The following GPC6 variants were observed in gnomAD, a reference collection of about 807,000 sequenced individuals.
GPC6 encodes the protein glypican-6.
GPC6 carries 14 observed loss-of-function variants against 55.2 expected under a neutral mutation model. The observed-to-expected ratio is 0.25, with a 90% confidence interval of 0.17 to 0.40. GPC6 has a LOEUF of 0.40. GPC6 is among the 10% of genes least tolerant of loss of function. The pLI is 1.00. For synonymous variants in GPC6, 278 were observed against 259.6 expected, an observed-to-expected ratio of 1.07 and a Z score of -0.68; for missense variants, 641 against 708.5, an observed-to-expected ratio of 0.90 and a Z score of 1.08.
chr13:93,287,517 C>T (rs866920066), intron 1 of GPC6, among the ~76,000 whole-genome samples: 3 of 152,192 alleles, frequency 2.0e-5, no homozygotes, highest in Non-Finnish European at 2.9e-5. Flanking sequence ...TGTTACTGGG[C>T]ATGCCTTTGT....
intron 2 of GPC6, among the ~76,000 whole-genome samples, chr13:93,716,302 C>T (rs1883253856): frequency 1.3e-5 from 2 of 151,510 alleles, no homozygotes; most frequent in African/African-American, 4.8e-5. Flanking sequence ...TTAGGCAGGT[C>T]CTTCAGGAGG....
chr13:93,627,901 A>G (rs1879271815), intron 2 of GPC6, among the ~76,000 whole-genome samples: 1 of 152,192 alleles, frequency 6.6e-6, no homozygotes, highest in African/African-American at 2.4e-5. Flanking sequence ...ATCTCTCAAC[A>G]CATAAATTTC....
chr13:94,020,531 A>G (rs1157914843), intron 3 of GPC6, among the ~76,000 whole-genome samples: 1 of 152,076 alleles, frequency 6.6e-6, no homozygotes, highest in Non-Finnish European at 1.5e-5. Flanking sequence ...TCTTTTCTTC[A>G]GTGGCGGGAC....
chr13:93,891,668 T>C (rs1388344489), intron 3 of GPC6, among the ~76,000 whole-genome samples: 1 of 152,072 alleles, frequency 6.6e-6, no homozygotes, highest in Non-Finnish European at 1.5e-5. Context: ...ACACACACAT[T>C]CTATACACAC....
intron 4 of GPC6, among the ~76,000 whole-genome samples, chr13:94,145,812 G>T (rs1330959509): frequency 1.3e-5 from 2 of 152,094 alleles, no homozygotes; most frequent in African/African-American, 4.8e-5. Context: ...ATGTGTTATG[G>T]TGAATGTATA....
intron 4 of GPC6, among the ~76,000 whole-genome samples, chr13:94,248,623 C>T (rs1241672431): frequency 1.3e-5 from 2 of 151,954 alleles, no homozygotes; most frequent in Non-Finnish European, 2.9e-5. Flanking sequence ...ACCCTCTAGT[C>T]ACCAAAAAAA....
At chr13:94,327,296 T>C (rs1236229446) in intron 6 of GPC6, among the ~76,000 whole-genome samples, 6 of 152,138 alleles carry the variant, frequency 3.9e-5, no homozygotes, top group Non-Finnish European at 7.4e-5. Flanking sequence ...CTTGGAGACT[T>C]GGAATTTCGT....
chr13:94,303,400 C>A (rs2139108071), intron 5 of GPC6, among the ~76,000 whole-genome samples: 1 of 152,322 alleles, frequency 6.6e-6, no homozygotes, highest in East Asian at 1.9e-4. Context: ...TGGATCCGGT[C>A]ACCTTCCCAG....
At chr13:93,502,891 A>T (rs1374962956) in intron 1 of GPC6, among the ~76,000 whole-genome samples, 1 of 152,178 alleles carries the variant, frequency 6.6e-6, no homozygotes, top group Non-Finnish European at 1.5e-5. Flanking sequence ...TTTCTACCAG[A>T]TACTATAGAT....
chr13:93,369,993 A>G (rs1249738786), intron 1 of GPC6, among the ~76,000 whole-genome samples: 2 of 152,094 alleles, frequency 1.3e-5, no homozygotes, highest in Non-Finnish European at 2.9e-5. Flanking sequence ...CAAAGCAGCA[A>G]GGAACTACTT....
At chr13:94,381,290 A>T (rs1009205598) in intron 6 of GPC6, among the ~76,000 whole-genome samples, 1 of 152,200 alleles carries the variant, frequency 6.6e-6, no homozygotes, top group African/African-American at 2.4e-5. Context: ...TACTTAAAAC[A>T]ACAGACATTT....
At chr13:93,299,110 C>T (rs1021938450) in intron 1 of GPC6, among the ~76,000 whole-genome samples, 1 of 152,142 alleles carries the variant, frequency 6.6e-6, no homozygotes, top group African/African-American at 2.4e-5. Context: ...TTCCACTACT[C>T]TCCATAAAAT....
intron 4 of GPC6, among the ~76,000 whole-genome samples, chr13:94,161,879 A>C (rs1451051076): frequency 6.6e-6 from 1 of 152,158 alleles, no homozygotes; most frequent in Non-Finnish European, 1.5e-5. Flanking sequence ...CCTCACAATC[A>C]TGATGAAGGC....
intron 4 of GPC6, among the ~76,000 whole-genome samples, chr13:94,198,759 G>T (rs915280682): frequency 3.3e-5 from 5 of 152,128 alleles, no homozygotes; most frequent in East Asian, 1.9e-4. Context: ...TCTCATAAGA[G>T]ATTTCACTGC....
intron 1 of GPC6, among the ~76,000 whole-genome samples, chr13:93,535,611 A>G (rs1882030100): frequency 6.6e-6 from 1 of 150,606 alleles, no homozygotes; most frequent in South Asian, 2.1e-4. Context: ...GTTTTCCCCA[A>G]CCATGGCTCA....
chr13:93,255,561 G>A (rs1351497025), intron 1 of GPC6, among the ~76,000 whole-genome samples: 2 of 152,096 alleles, frequency 1.3e-5, no homozygotes, highest in Non-Finnish European at 2.9e-5. Flanking sequence ...GAACTTGTGT[G>A]TTTCTTTCAA....
At chr13:93,433,336 C>T (rs888780119) in intron 1 of GPC6, among the ~76,000 whole-genome samples, 1 of 152,176 alleles carries the variant, frequency 6.6e-6, no homozygotes, top group South Asian at 2.1e-4. Context: ...AGCCAGTCTG[C>T]TTTTGCCACT....
intron 4 of GPC6, among the ~76,000 whole-genome samples, chr13:94,171,261 T>G (rs968107095): frequency 1.4e-4 from 22 of 152,278 alleles, no homozygotes; most frequent in African/African-American, 4.3e-4. Context: ...TATAGCAAAT[T>G]TACCCTTACA....
chr13:93,845,757 C>G, intron 3 of GPC6, among the ~76,000 whole-genome samples: 1 of 148,270 alleles, frequency 6.7e-6, no homozygotes, highest in Non-Finnish European at 1.5e-5. Flanking sequence ...ACCGTATATT[C>G]TCACTCATAG....
Sources: allele counts gnomAD v4.1 joint callset (sites outside exome capture counted in the v4.1 genomes callset), GRCh38; gene constraint gnomAD v4.1.1; transcripts MANE v1.5; gene names NCBI Gene and HGNC (gene_info 2026-07-23, HGNC 2026-07-21).